Variants in KCNT2 observed in about 807,000 individuals in gnomAD.
KCNT2 encodes the protein potassium sodium-activated channel subfamily T member 2.
In KCNT2, 67 loss-of-function variants were observed where a neutral mutation model predicts 153.8. That is an observed-to-expected ratio of 0.44 (90% CI 0.36 to 0.53). The LOEUF (loss-of-function observed/expected upper bound fraction) is 0.53. KCNT2 is among the 20% of genes least tolerant of loss of function. The pLI is 0.00. For missense variants in KCNT2, 975 were observed against 1,354.8 expected, an observed-to-expected ratio of 0.72 and a Z score of 4.40; for synonymous variants, 500 against 458.8, an observed-to-expected ratio of 1.09 and a Z score of -1.15.
intron 26 of KCNT2, among the ~76,000 whole-genome samples, chr1:196,238,143 A>T (rs972473752): frequency 3.9e-5 from 6 of 151,922 alleles, no homozygotes; most frequent in African/African-American, 2.4e-5. Flanking sequence ...ACAATTTAAC[A>T]GATAACTTCT....
intron 25 of KCNT2, among the ~76,000 whole-genome samples, chr1:196,276,148 A>G (rs1658548287): frequency 6.6e-6 from 1 of 151,964 alleles, no homozygotes; most frequent in South Asian, 2.1e-4. Context: ...AGTCATTAAC[A>G]GTCTTTTCCA....
chr1:196,442,079 C>A (rs1265940169), intron 8 of KCNT2, among the ~76,000 whole-genome samples: 1 of 151,680 alleles, frequency 6.6e-6, no homozygotes, highest in Non-Finnish European at 1.5e-5. Flanking sequence ...TCTGGAAACT[C>A]CAATTCTATG....
chr1:196,446,273 A>C (rs1045911592), intron 8 of KCNT2, among the ~76,000 whole-genome samples: 1 of 151,462 alleles, frequency 6.6e-6, no homozygotes, highest in African/African-American at 2.4e-5. Flanking sequence ...TATTCTCTAT[A>C]CTTTTTCACT....
At chr1:196,280,640 T>G (rs1196513627) in intron 25 of KCNT2, among the ~76,000 whole-genome samples, 1 of 152,132 alleles carries the variant, frequency 6.6e-6, no homozygotes, top group Non-Finnish European at 1.5e-5. Flanking sequence ...TCCATAAACT[T>G]AGAACAGCCC....
chr1:196,608,138 T>A, intron 1 of KCNT2, 77 bp downstream of exon 1: 1 of 1,324,466 alleles, frequency 7.6e-7, no homozygotes. Flanking sequence ...TTCTCCCTCC[T>A]TTCCCCACTT....
chr1:196,378,731 T>A (rs866605350), intron 13 of KCNT2, among the ~76,000 whole-genome samples: 39 of 147,968 alleles, frequency 2.6e-4, no homozygotes, highest in African/African-American at 8.1e-4. Context: ...ATATAATATA[T>A]AATAATTTAA....
chr1:196,522,854 G>T (rs1025266516), intron 1 of KCNT2, among the ~76,000 whole-genome samples: 1 of 152,118 alleles, frequency 6.6e-6, no homozygotes, highest in Non-Finnish European at 1.5e-5. Flanking sequence ...TCTGTAAAAT[G>T]GACCAATCAG....
At chr1:196,369,896 A>G (rs117516050) in intron 14 of KCNT2, among the ~76,000 whole-genome samples, 7,546 of 152,174 alleles carry the variant, frequency 0.05, 281 homozygotes, top group Non-Finnish European at 0.072. Flanking sequence ...CTGAGGAATC[A>G]CCACACTGCG....
chr1:196,380,360 G>T (rs1669372746), intron 13 of KCNT2, among the ~76,000 whole-genome samples: 1 of 152,152 alleles, frequency 6.6e-6, no homozygotes, highest in African/African-American at 2.4e-5. Context: ...TGATAAATAT[G>T]AATCAAAATT....
chr1:196,543,268 T>C (rs1189352787), intron 1 of KCNT2, among the ~76,000 whole-genome samples: 1 of 152,142 alleles, frequency 6.6e-6, no homozygotes, highest in Non-Finnish European at 1.5e-5. Flanking sequence ...TTCAGCAATA[T>C]CTTAGAGAAT....
At chr1:196,239,918 C>T (rs1359895764) in intron 26 of KCNT2, among the ~76,000 whole-genome samples, 3 of 151,986 alleles carry the variant, frequency 2.0e-5, no homozygotes, top group African/African-American at 4.8e-5. Context: ...AGTAAATACA[C>T]ACAGAGACAA....
At chr1:196,281,713 C>T (rs1659114542) in intron 24 of KCNT2, among the ~76,000 whole-genome samples, 3 of 151,846 alleles carry the variant, frequency 2.0e-5, no homozygotes, top group East Asian at 1.9e-4. Context: ...GTATAGTATC[C>T]TACGGCAGTT....
chr1:196,264,575 G>C (rs1241936243), intron 25 of KCNT2, among the ~76,000 whole-genome samples: 1 of 151,958 alleles, frequency 6.6e-6, no homozygotes, highest in Non-Finnish European at 1.5e-5. Context: ...GTAAGTCCCA[G>C]TCTATATGTA....
chr1:196,323,664 A>G (rs1484677518), intron 19 of KCNT2, among the ~76,000 whole-genome samples: 1 of 151,948 alleles, frequency 6.6e-6, no homozygotes, highest in Admixed American at 6.6e-5. Flanking sequence ...TTTAATTTAC[A>G]TTTTAAAATC....
At chr1:196,546,761 G>C (rs1321633096) in intron 1 of KCNT2, among the ~76,000 whole-genome samples, 1 of 151,822 alleles carries the variant, frequency 6.6e-6, no homozygotes, top group Non-Finnish European at 1.5e-5. Flanking sequence ...AAATCAGAAA[G>C]TCAAAAAAAT....
At chr1:196,431,612 A>G (rs756982047) in intron 8 of KCNT2, among the ~76,000 whole-genome samples, 3 of 152,132 alleles carry the variant, frequency 2.0e-5, no homozygotes, top group Non-Finnish European at 2.9e-5. Flanking sequence ...TCTGTGTCCA[A>G]ATATTTTTGT....
chr1:196,274,212 T>C (rs1345775837), intron 25 of KCNT2, among the ~76,000 whole-genome samples: 1 of 151,650 alleles, frequency 6.6e-6, no homozygotes, highest in East Asian at 1.9e-4. Flanking sequence ...TAAATAAAAA[T>C]CATGCTGTCT....
At chr1:196,344,889 T>C (rs1666005110) in intron 14 of KCNT2, among the ~76,000 whole-genome samples, 1 of 152,194 alleles carries the variant, frequency 6.6e-6, no homozygotes, top group Non-Finnish European at 1.5e-5. Flanking sequence ...TTTTTCTTTA[T>C]GATTTCTTCA....
intron 21 of KCNT2, among the ~76,000 whole-genome samples, chr1:196,305,576 T>C (rs146234763): frequency 5.5e-4 from 84 of 152,228 alleles, no homozygotes; most frequent in African/African-American, 1.8e-3. Flanking sequence ...AATTCAGTAA[T>C]TTGGCTTTTT....
Sources: gnomAD v4.1 joint callset for allele counts (sites outside exome capture counted in the v4.1 genomes callset) on GRCh38, gnomAD v4.1.1 for gene constraint, MANE v1.5 for transcripts, NCBI Gene and HGNC (gene_info 2026-07-23, HGNC 2026-07-21) for gene names.